The following LAMA3 variants were observed in gnomAD, a reference collection of about 807,000 sequenced individuals.
LAMA3 encodes laminin subunit alpha-3.
Under a neutral mutation model 402.0 loss-of-function variants are expected in LAMA3, and 281 were observed. The observed-to-expected ratio is 0.70, with a 90% CI of 0.63 to 0.77. LAMA3 has a LOEUF of 0.77. LAMA3 is among the 30% of genes least tolerant of loss of function. LAMA3 has a pLI of 0.00. For missense variants in LAMA3, 3,840 were observed against 4,215.5 expected (o/e 0.91, Z 2.47); for synonymous variants, 1,431 against 1,558.4 (o/e 0.92, Z 1.93).
chr18:23,726,303 A>G (rs1172717059), intron 2 of LAMA3, among the ~76,000 whole-genome samples: 1 of 152,224 alleles, frequency 6.6e-6, no homozygotes, highest in Non-Finnish European at 1.5e-5. Flanking sequence ...CATGAGGGCA[A>G]GAGCGCCCAG....
intron 2 of LAMA3, among the ~76,000 whole-genome samples, chr18:23,714,988 A>G (rs905724250): frequency 1.3e-5 from 2 of 152,136 alleles, no homozygotes; most frequent in Admixed American, 1.3e-4. Flanking sequence ...AACATCAGGG[A>G]AAGTGAAAGA....
At chr18:23,691,906 A>G (rs990649563) in intron 1 of LAMA3, among the ~76,000 whole-genome samples, 1 of 152,230 alleles carries the variant, frequency 6.6e-6, no homozygotes, top group African/African-American at 2.4e-5. Context: ...AGTGGTTGTT[A>G]TAGCTGAAAA....
intron 42 of LAMA3, among the ~76,000 whole-genome samples, chr18:23,891,915 C>T (rs2080682836): frequency 6.6e-6 from 1 of 152,080 alleles, no homozygotes; most frequent in Admixed American, 6.5e-5. Flanking sequence ...TATAGTTGTT[C>T]AGAAAGAGAG....
intron 2 of LAMA3, among the ~76,000 whole-genome samples, chr18:23,734,840 T>A (rs1349457800): frequency 2.0e-5 from 3 of 152,030 alleles, no homozygotes; most frequent in Non-Finnish European, 4.4e-5. Flanking sequence ...ATTTACAGGG[T>A]CATGGAGATA....
Position 23,784,090 on chromosome 18 carries a change from C to T in LAMA3, c.1536C>T (p.Arg512=), listed in dbSNP as rs1279269864. The part of the protein sequence containing the change: ...ICDAHGRCLC[R]PGVEGPRCDT... ...ATGCCCACGGACGGTGCCTGTGCCG[C>T]CCTGGGGTTGAGGGCCCTCGATGTG... The change falls in exon 12 of 75, where the codon CGC becomes CGT. Residue 512 remains arginine, a synonymous_variant. Coordinates refer to ENST00000313654, the MANE Select transcript of LAMA3 (RefSeq NM_198129.4). 1 of 1,614,094 alleles carries T rather than the reference C, an allele frequency of 6.2e-7. No individual in the cohort carries two copies. Among genetic ancestry groups the T allele is most frequent in the South Asian group, 1.1e-5 (1 of 91,078 alleles).
In LAMA3 at chr18:23,842,407, C is replaced by T; in HGVS notation, c.3349C>T (p.Leu1117=). 1 of 1,614,042 alleles carries T rather than the reference C, an allele frequency of 6.2e-7. No individual in the cohort carries two copies. Among genetic ancestry groups the T allele is most frequent in the Non-Finnish European group, 8.5e-7 (1 of 1,180,014 alleles). ...TLKAPQNQVT[L]RGRVPHLGRY... ...TTTTTCCTCTTAGAATCAAGTGACCCTGAGAGGACGTGTACCACACCTGGG... is the reference window on the plus strand; with the variant it reads ...TTTTTCCTCTTAGAATCAAGTGACCTTGAGAGGACGTGTACCACACCTGGG... Residue 1117 remains leucine, a synonymous_variant, in exon 28 of 75, where the codon CTG becomes TTG. Transcript: ENST00000313654.
At chr18:23,921,398 A>C in intron 61 of LAMA3, 54 bp from the exon 62 acceptor site, 11 of 1,591,404 alleles carry the variant, frequency 6.9e-6, no homozygotes, top group Non-Finnish European at 9.4e-6. Flanking sequence ...AACCCCTGTG[A>C]ATAGGATTCT....
chr18:23,889,026 A>G (rs2080545539), intron 41 of LAMA3, among the ~76,000 whole-genome samples: 1 of 152,176 alleles, frequency 6.6e-6, no homozygotes, highest in African/African-American at 2.4e-5. Flanking sequence ...ACTATCTAGA[A>G]TAAAAAAGGC....
chr18:23,823,548 A>G (rs1359615559), intron 20 of LAMA3, among the ~76,000 whole-genome samples: 1 of 152,086 alleles, frequency 6.6e-6, no homozygotes, highest in African/African-American at 2.4e-5. Context: ...ACTGTACCAC[A>G]TTTTCCTGTC....
At chr18:23,734,967 T>C (rs998708755) in intron 2 of LAMA3, among the ~76,000 whole-genome samples, 3 of 152,218 alleles carry the variant, frequency 2.0e-5, no homozygotes, top group East Asian at 1.9e-4. Context: ...CCCTGGGCAA[T>C]TGAATTGCAA....
intron 32 of LAMA3, among the ~76,000 whole-genome samples, chr18:23,856,404 C>A (rs1376306508): frequency 6.6e-6 from 1 of 152,114 alleles, no homozygotes; most frequent in East Asian, 1.9e-4. Context: ...GCCTATATGC[C>A]AATAAAAATG....
chr18:23,843,450 A>G (rs1326347863), intron 29 of LAMA3, among the ~76,000 whole-genome samples: 1 of 152,112 alleles, frequency 6.6e-6, no homozygotes, highest in Non-Finnish European at 1.5e-5. Context: ...CACATCTGTT[A>G]CCACACCCCA....
chr18:23,718,288 C>T (rs1011871562), intron 2 of LAMA3, among the ~76,000 whole-genome samples: 5 of 152,082 alleles, frequency 3.3e-5, no homozygotes, highest in Middle Eastern at 3.2e-3. Flanking sequence ...TGTTCACCTT[C>T]CAGCTCCCTC....
chr18:23,851,670 T>C (rs2063947663), intron 32 of LAMA3, among the ~76,000 whole-genome samples: 1 of 152,226 alleles, frequency 6.6e-6, no homozygotes, highest in South Asian at 2.1e-4. Context: ...TCTCCTGGCT[T>C]CAGCCACCCT....
chr18:23,735,699 C>T (rs752627903), intron 2 of LAMA3, among the ~76,000 whole-genome samples: 1 of 152,178 alleles, frequency 6.6e-6, no homozygotes, highest in African/African-American at 2.4e-5. Flanking sequence ...GTTACATGTG[C>T]ACCAATGTCT....
In LAMA3 at chr18:23,827,428, A is replaced by G. The variant is rs770206637; in HGVS notation, c.2784A>G (p.Thr928=). The change falls in exon 23 of 75, where the codon ACA becomes ACG. Residue 928 remains threonine, a synonymous_variant. Coordinates refer to ENST00000313654, the MANE Select transcript of LAMA3 (RefSeq NM_198129.4). The part of the protein sequence containing the change: ...EPRPVAVRQP[T]PAHPVMVDLS... Reference sequence around the variant, plus strand: ...GACCCGTGGCAGTGAGGCAGCCCACACCTGCACACCCTGTCATGGTGGACC... The same window carrying G: ...GACCCGTGGCAGTGAGGCAGCCCACGCCTGCACACCCTGTCATGGTGGACC... 1.2e-6 allele frequency: 2 copies of G among 1,614,196 alleles called. No homozygotes were observed. The highest frequency in any genetic ancestry group is 1.7e-6 in the Non-Finnish European group (2 of 1,180,032).
chr18:23,759,145 C>A (rs2061916149), intron 7 of LAMA3, among the ~76,000 whole-genome samples: 2 of 151,342 alleles, frequency 1.3e-5, no homozygotes, highest in South Asian at 4.2e-4. Context: ...TGGAAACCAG[C>A]CTAGGCAACA....
At chr18:23,802,640 G>A (rs927368396) in intron 12 of LAMA3, among the ~76,000 whole-genome samples, 19 of 152,108 alleles carry the variant, frequency 1.2e-4, no homozygotes, top group Admixed American at 6.6e-5. Context: ...TAGAATGATC[G>A]TCACGTCTCC....
intron 31 of LAMA3, 89 bp from the exon 32 acceptor site, chr18:23,847,375 G>A: frequency 7.3e-7 from 1 of 1,375,116 alleles, no homozygotes; most frequent in Non-Finnish European, 1.0e-6. Context: ...CCCTTTGGAG[G>A]CTTCTGGAAA....
Sources: gnomAD v4.1 joint callset for allele counts (sites outside exome capture counted in the v4.1 genomes callset) on GRCh38, gnomAD v4.1.1 for gene constraint, MANE v1.5 for transcripts, NCBI Gene and HGNC (gene_info 2026-07-23, HGNC 2026-07-21) for gene names.